GSG1L: variants seen among roughly 807,000 people sequenced by gnomAD.
GSG1L encodes the protein germ cell-specific gene 1-like protein.
A neutral mutation model predicts 42.1 loss-of-function variants in GSG1L; 24 were observed. That is an observed-to-expected ratio of 0.57 (90% CI 0.41 to 0.80). The LOEUF (loss-of-function observed/expected upper bound fraction) is 0.80, where lower values mean the gene tolerates loss of function less well. Ranked by LOEUF, GSG1L falls within the 30% of genes least tolerant of loss-of-function variation. GSG1L has a pLI of 0.00. For synonymous variants in GSG1L, 215 were observed against 203.5 expected, an observed-to-expected ratio of 1.06 and a Z score of -0.48; for missense variants, 445 against 472.2, an observed-to-expected ratio of 0.94 and a Z score of 0.53.
At chr16:27,815,065 G>C (rs1238634966) in intron 5 of GSG1L, among the ~76,000 whole-genome samples, 9 of 152,046 alleles carry the variant, frequency 5.9e-5, no homozygotes, top group Non-Finnish European at 8.8e-5. Flanking sequence ...AAAGTGCTAG[G>C]ATTACAGTCA....
At chr16:27,861,612 C>T (rs938300348) in intron 3 of GSG1L, among the ~76,000 whole-genome samples, 1 of 152,140 alleles carries the variant, frequency 6.6e-6, no homozygotes, top group Non-Finnish European at 1.5e-5. Flanking sequence ...ACCAGTAGTG[C>T]ACTGATAGAT....
chr16:27,869,753 TTC>T (rs368954362), intron 3 of GSG1L, among the ~76,000 whole-genome samples: 1 of 88,730 alleles, frequency 1.1e-5, no homozygotes, highest in East Asian at 4.4e-4. Flanking sequence ...CTCTCTCTCC[TTC>T]TCTGTCTCTG....
intron 1 of GSG1L, among the ~76,000 whole-genome samples, chr16:28,051,612 G>A (rs960503900): frequency 2.0e-5 from 3 of 152,172 alleles, no homozygotes; most frequent in African/African-American, 7.2e-5. Flanking sequence ...GAACGTTTGA[G>A]GGAAGTGATG....
At chr16:27,989,612 T>C (rs2085431982) in intron 1 of GSG1L, among the ~76,000 whole-genome samples, 1 of 151,958 alleles carries the variant, frequency 6.6e-6, no homozygotes, top group Non-Finnish European at 1.5e-5. Flanking sequence ...TGGTGGCAAA[T>C]GCTTGTAGTC....
At chr16:27,898,362 T>G (rs1177543448) in intron 2 of GSG1L, among the ~76,000 whole-genome samples, 1 of 4,486 alleles carries the variant, frequency 2.2e-4, no homozygotes, top group Non-Finnish European at 4.4e-4. Context: ...ACCCACCCCC[T>G]GCGAGGTCTT....
At chr16:27,861,352 G>C (rs1427103936) in intron 3 of GSG1L, among the ~76,000 whole-genome samples, 2 of 151,704 alleles carry the variant, frequency 1.3e-5, no homozygotes, top group Non-Finnish European at 2.9e-5. Flanking sequence ...ACTCTAGCCT[G>C]GGCAACAGTG....
At chr16:28,014,330 C>T (rs2085756441) in intron 1 of GSG1L, among the ~76,000 whole-genome samples, 1 of 152,178 alleles carries the variant, frequency 6.6e-6, no homozygotes, top group Non-Finnish European at 1.5e-5. Context: ...CACGTGCAGA[C>T]ACGGGAACAT....
At chr16:27,858,760 C>T (rs2083608635) in intron 3 of GSG1L, among the ~76,000 whole-genome samples, 1 of 152,150 alleles carries the variant, frequency 6.6e-6, no homozygotes, top group South Asian at 2.1e-4. Context: ...TCAAACCCAG[C>T]CTGGGCAACA....
chr16:27,865,690 A>C (rs1437881505), intron 3 of GSG1L, among the ~76,000 whole-genome samples: 1 of 149,538 alleles, frequency 6.7e-6, no homozygotes, highest in Non-Finnish European at 1.5e-5. Context: ...AATCACTGGC[A>C]GTAAATGCAC....
chr16:28,010,923 G>A (rs1004760865), intron 1 of GSG1L, among the ~76,000 whole-genome samples: 3 of 152,166 alleles, frequency 2.0e-5, no homozygotes, highest in Admixed American at 6.5e-5. Flanking sequence ...CCCTGTGCCA[G>A]CCTCAGCCTT....
chr16:27,906,123 A>AAT (rs1373789880), intron 2 of GSG1L, among the ~76,000 whole-genome samples: 2 of 152,136 alleles, frequency 1.3e-5, no homozygotes, highest in African/African-American at 4.8e-5. Flanking sequence ...TTAAAAAAAA[A>AAT]AGTTTTTTAA....
chr16:27,838,360 G>T (rs563507457), intron 4 of GSG1L, among the ~76,000 whole-genome samples: 4 of 152,128 alleles, frequency 2.6e-5, no homozygotes, highest in African/African-American at 9.7e-5. Context: ...CACCCCCCAG[G>T]GCCCCAACGC....
intron 1 of GSG1L, among the ~76,000 whole-genome samples, chr16:28,033,363 T>C (rs1466221669): frequency 6.6e-6 from 1 of 152,198 alleles, no homozygotes; most frequent in Non-Finnish European, 1.5e-5. Flanking sequence ...AAATGAAATA[T>C]TAACAGATGA....
chr16:27,922,612 A>G (rs973751215), intron 2 of GSG1L, among the ~76,000 whole-genome samples: 2 of 152,064 alleles, frequency 1.3e-5, no homozygotes, highest in South Asian at 2.1e-4. Flanking sequence ...CCATGACCCA[A>G]GCTTTCAGCA....
intron 2 of GSG1L, among the ~76,000 whole-genome samples, chr16:27,931,463 C>T (rs952153169): frequency 1.3e-5 from 2 of 152,132 alleles, no homozygotes; most frequent in Admixed American, 1.3e-4. Flanking sequence ...CAGAAGAGCC[C>T]TTGAAGAGAT....
chr16:27,951,081 A>C (rs1218224803), intron 2 of GSG1L, among the ~76,000 whole-genome samples: 1 of 152,110 alleles, frequency 6.6e-6, no homozygotes, highest in Non-Finnish European at 1.5e-5. Context: ...GATACTGACG[A>C]CTGGCCCAAG....
chr16:27,824,912 G>A (rs1374892204), intron 5 of GSG1L, among the ~76,000 whole-genome samples: 1 of 152,262 alleles, frequency 6.6e-6, no homozygotes, highest in Non-Finnish European at 1.5e-5. Flanking sequence ...GGCTGCTTAT[G>A]TGTCTATTGC....
At chr16:27,909,456 G>A (rs1596605263) in intron 2 of GSG1L, among the ~76,000 whole-genome samples, 1 of 128,702 alleles carries the variant, frequency 7.8e-6, no homozygotes, top group African/African-American at 3.0e-5. Flanking sequence ...GTGTGATTAT[G>A]GCTCACTGCA....
chr16:27,825,493 C>T (rs2083198838), intron 5 of GSG1L, among the ~76,000 whole-genome samples: 1 of 152,162 alleles, frequency 6.6e-6, no homozygotes, highest in African/African-American at 2.4e-5. Flanking sequence ...CAACCAATAG[C>T]AAGGCCCCCA....
Sources: allele counts gnomAD v4.1 joint callset (sites outside exome capture counted in the v4.1 genomes callset), GRCh38; gene constraint gnomAD v4.1.1; transcripts MANE v1.5; gene names NCBI Gene and HGNC (gene_info 2026-07-23, HGNC 2026-07-21).